Variants in RIMS2 observed in about 807,000 individuals in gnomAD.
RIMS2 encodes the protein regulating synaptic membrane exocytosis protein 2.
RIMS2 carries 59 observed loss-of-function variants against 174.4 expected under a neutral mutation model. That is an observed-to-expected ratio of 0.34 (90% confidence interval 0.27 to 0.42). RIMS2 has a LOEUF of 0.42. Ranked by LOEUF, RIMS2 falls within the 10% of genes least tolerant of loss-of-function variation. The pLI is 1.00. For synonymous variants in RIMS2, 606 were observed against 572.5 expected (o/e 1.06, Z -0.84); for missense variants, 1,620 against 1,666.3 (o/e 0.97, Z 0.48).
intron 1 of RIMS2, among the ~76,000 whole-genome samples, chr8:103,542,869 A>G (rs1843163662): frequency 6.6e-6 from 1 of 152,190 alleles, no homozygotes; most frequent in Admixed American, 6.5e-5. Context: ...GAAAGAATGT[A>G]CCTCAACACA....
At chr8:103,857,580 A>C (rs1407444214) in intron 3 of RIMS2, among the ~76,000 whole-genome samples, 1 of 151,600 alleles carries the variant, frequency 6.6e-6, no homozygotes, top group Non-Finnish European at 1.5e-5. Context: ...TCTGGCCTTT[A>C]GTTTAATCTC....
Position 103,806,616 on chromosome 8 carries a change from T to TTG in RIMS2, c.698+40096_698+40097dup, listed in dbSNP as rs754183766. 4.1e-3 allele frequency among the ~76,000 whole-genome samples: 613 copies of TTG among 150,424 alleles called. 2 individuals are homozygous for TTG. Among genetic ancestry groups the TTG allele is most frequent in the Non-Finnish European group, 4.7e-3 (314 of 67,294 alleles). ...AACATGGAAGGAGCATGATATTATT[T>TTG]TGTGTGTGTGTGTGTGTGGGCAATC... On this transcript the variant is annotated intron_variant, in intron 3 of 23. Transcript: ENST00000504942.
At chr8:103,696,955 A>T in intron 1 of RIMS2, 131 bp from the exon 4 acceptor site, 2 of 626,322 alleles carry the variant, frequency 3.2e-6, no homozygotes, top group South Asian at 4.0e-5. Context: ...TCATCAGAAA[A>T]TTAAATTTTC....
intron 19 of RIMS2, among the ~76,000 whole-genome samples, chr8:104,220,340 T>C (rs1299705361): frequency 6.6e-6 from 1 of 152,160 alleles, no homozygotes; most frequent in African/African-American, 2.4e-5. Context: ...AGGGAAGTGG[T>C]GGTCATGTAG....
intron 3 of RIMS2, among the ~76,000 whole-genome samples, chr8:103,845,565 G>A (rs2098963538): frequency 6.6e-6 from 1 of 152,032 alleles, no homozygotes; most frequent in South Asian, 2.1e-4. Context: ...TAAGTAATAT[G>A]CCCATGATTT....
At chr8:103,794,988 G>T (rs1224551475) in intron 3 of RIMS2, among the ~76,000 whole-genome samples, 1 of 152,296 alleles carries the variant, frequency 6.6e-6, no homozygotes, top group South Asian at 2.1e-4. Flanking sequence ...CTGTTGGTGG[G>T]ACTGTAAACT....
rs1267629390 is a variant in RIMS2, at chr8:104,013,638, T to A, written c.3224+17T>A. 1 of 1,608,456 alleles carries A rather than the reference T, an allele frequency of 6.2e-7. No homozygotes were observed. The highest frequency in any genetic ancestry group is 8.5e-7 in the Non-Finnish European group (1 of 1,175,480). ...CTTATCGAGGTGAAAGATAAATCAA[T>A]CAGACTAATTTCCCCTTTGCCCCAC... On this transcript the variant is annotated intron_variant, in intron 18 of 23. Transcript: ENST00000504942.
At chr8:103,701,482 A>G (rs1253430382) in intron 2 of RIMS2, among the ~76,000 whole-genome samples, 2 of 152,060 alleles carry the variant, frequency 1.3e-5, no homozygotes, top group Non-Finnish European at 2.9e-5. Flanking sequence ...AATTACTGAT[A>G]ACCATAGTCT....
intron 13 of RIMS2, among the ~76,000 whole-genome samples, chr8:103,941,551 A>C (rs887386170): frequency 1.3e-5 from 2 of 152,118 alleles, no homozygotes; most frequent in African/African-American, 4.8e-5. Context: ...CCCTTAGATA[A>C]ATAGTAATTT....
At chr8:103,981,107 T>A (rs2093866125) in intron 16 of RIMS2, among the ~76,000 whole-genome samples, 1 of 152,112 alleles carries the variant, frequency 6.6e-6, no homozygotes, top group Admixed American at 6.6e-5. Flanking sequence ...CAAGTAGTGG[T>A]TACAGTCGGC....
chr8:104,147,503 T>C (rs2098651553), intron 19 of RIMS2, among the ~76,000 whole-genome samples: 6 of 152,200 alleles, frequency 3.9e-5, no homozygotes, highest in Admixed American at 3.9e-4. Flanking sequence ...ACAAAGATAT[T>C]GAATTAGACA....
chr8:104,100,549 G>C (rs985465173), intron 19 of RIMS2, among the ~76,000 whole-genome samples: 4 of 151,918 alleles, frequency 2.6e-5, no homozygotes, highest in Non-Finnish European at 4.4e-5. Flanking sequence ...AACAGCAATA[G>C]CCATATAGAA....
At chr8:104,046,123 T>C (rs2096689721) in intron 19 of RIMS2, among the ~76,000 whole-genome samples, 1 of 152,080 alleles carries the variant, frequency 6.6e-6, no homozygotes, top group Non-Finnish European at 1.5e-5. Flanking sequence ...AAAATTTATT[T>C]CTTACAATTC....
At chr8:103,748,110 T>C (rs1306425739) in intron 2 of RIMS2, among the ~76,000 whole-genome samples, 1 of 152,060 alleles carries the variant, frequency 6.6e-6, no homozygotes, top group African/African-American at 2.4e-5. Context: ...CAAGAAACCA[T>C]GGAGGATCTA....
At chr8:103,649,714 A>C (rs766515574) in intron 1 of RIMS2, among the ~76,000 whole-genome samples, 2 of 147,672 alleles carry the variant, frequency 1.4e-5, no homozygotes, top group Non-Finnish European at 3.0e-5. Context: ...TCAAGCTCTG[A>C]GATTCTTTTC....
intron 1 of RIMS2, among the ~76,000 whole-genome samples, chr8:103,549,705 T>G (rs182083479): frequency 2.2e-4 from 34 of 152,274 alleles, no homozygotes; most frequent in Non-Finnish European, 4.0e-4. Context: ...GACCCATCAG[T>G]GTGCTGTATT....
At chr8:104,215,767 G>A (rs1300367288) in intron 19 of RIMS2, among the ~76,000 whole-genome samples, 3 of 152,180 alleles carry the variant, frequency 2.0e-5, no homozygotes, top group African/African-American at 4.8e-5. Flanking sequence ...AACAGAATGC[G>A]TGAGCAGGGA....
At chr8:103,983,403 A>G (rs1260165922) in intron 16 of RIMS2, among the ~76,000 whole-genome samples, 2 of 152,232 alleles carry the variant, frequency 1.3e-5, no homozygotes, top group Admixed American at 1.3e-4. Flanking sequence ...ATAATTCTAA[A>G]ATTCATGTGG....
chr8:103,709,291 C>T (rs2097272285), intron 2 of RIMS2, among the ~76,000 whole-genome samples: 1 of 150,128 alleles, frequency 6.7e-6, no homozygotes, highest in South Asian at 2.1e-4. Context: ...TTCTAACCCC[C>T]CTTGAGTCTG....
Sources: allele counts gnomAD v4.1 joint callset (sites outside exome capture counted in the v4.1 genomes callset), GRCh38; gene constraint gnomAD v4.1.1; transcripts MANE v1.5; gene names NCBI Gene and HGNC (gene_info 2026-07-23, HGNC 2026-07-21).